CDCA5: variants seen among roughly 807,000 people sequenced by gnomAD.
CDCA5 encodes the protein sororin.
Under a neutral mutation model 25.7 loss-of-function variants are expected in CDCA5, and 14 were observed. The ratio of observed to expected loss-of-function variants is 0.54; its 90% CI spans 0.36 to 0.85. The LOEUF (loss-of-function observed/expected upper bound fraction) is 0.85, where lower values mean the gene tolerates loss of function less well. Ranked by LOEUF, CDCA5 falls within the 40% of genes least tolerant of loss-of-function variation. CDCA5 has a pLI of 0.01. For synonymous variants in CDCA5, 127 were observed against 128.7 expected (o/e 0.99, Z 0.09); for missense variants, 307 against 324.5 (o/e 0.95, Z 0.41).
At chr11:65,074,370 G>A (rs989936606), downstream of CDCA5, among the ~76,000 whole-genome samples, 3 of 152,122 alleles carry the variant, frequency 2.0e-5, no homozygotes, top group Non-Finnish European at 2.9e-5. Flanking sequence ...ACCGCGCCTG[G>A]CCCAATTTCC....
rs1947628093 is a variant in CDCA5, at chr11:65,083,741, T to A, written c.47-18A>T. ...CCTTGGCCCTGGAAAGAGAAAAAAG[T>A]TAAGTGGTAGAGGAGGACTCTAGAC... On this transcript the variant is annotated intron_variant, in intron 1 of 5. Transcript: ENST00000275517. The A allele has an allele frequency of 2.5e-6, 4 of 1,605,090 alleles. No individual in the cohort carries two copies. Among genetic ancestry groups the A allele is most frequent in the Admixed American group, 3.4e-5 (2 of 58,128 alleles).
Position 65,083,736 on chromosome 11 carries a change from A to C in CDCA5, c.47-13T>G, listed in dbSNP as rs897289240. 6 of 1,607,782 alleles carry C rather than the reference A, an allele frequency of 3.7e-6. No homozygotes were observed. The highest frequency in any genetic ancestry group is 5.1e-6 in the Non-Finnish European group (6 of 1,177,592). Reference sequence around the variant, plus strand: ...GGGGCCCTTGGCCCTGGAAAGAGAAAAAAGTTAAGTGGTAGAGGAGGACTC... The same window carrying C: ...GGGGCCCTTGGCCCTGGAAAGAGAACAAAGTTAAGTGGTAGAGGAGGACTC... On this transcript the variant is annotated splice_polypyrimidine_tract_variant and intron_variant, in intron 1 of 5. Transcript: ENST00000275517.
rs759202803 is a variant in CDCA5, at chr11:65,079,191, AG to A, written c.679-5del. On this transcript the variant is annotated splice_region_variant and splice_polypyrimidine_tract_variant and intron_variant, in intron 5 of 5. Transcript: ENST00000275517. ...CCCACTCATCCAGCTCCGTTTTCTG[AG>A]GGAAGAGAAATGAGGAGCAGGTGAG... is the stretch of plus-strand genomic sequence containing the variant. 28 of 1,526,124 alleles carry A rather than the reference AG, an allele frequency of 1.8e-5. No homozygotes were observed. In the Admixed American group the frequency reaches 2.8e-4, roughly 15 times the overall value. 94.5% of individuals were successfully genotyped at this position (1,526,124 alleles called of 1,614,324 possible).
chr11:65,081,338 G>T (rs1175978183), intron 4 of CDCA5, among the ~76,000 whole-genome samples: 2 of 151,926 alleles, frequency 1.3e-5, no homozygotes, highest in Non-Finnish European at 2.9e-5. Flanking sequence ...TGAGGCAGGA[G>T]AATCGGTTGA....
chr11:65,064,049 G>C (rs527802762), downstream of CDCA5, among the ~76,000 whole-genome samples: 6 of 152,150 alleles, frequency 3.9e-5, no homozygotes, highest in Non-Finnish European at 7.3e-5. Context: ...CTCCGTAATA[G>C]ACTCCATTTC....
the CDCA5 span, among the ~76,000 whole-genome samples, chr11:65,061,132 C>A: frequency 1.3e-5 from 2 of 152,160 alleles, no homozygotes; most frequent in African/African-American, 2.4e-5. Flanking sequence ...GCGCCTGCAC[C>A]CTTGCCCCTG....
downstream of CDCA5, among the ~76,000 whole-genome samples, chr11:65,076,384 G>A (rs569107854): frequency 8.1e-4 from 123 of 152,174 alleles, 1 homozygote; most frequent in African/African-American, 2.7e-3. Context: ...CAAAGTGCTG[G>A]GATTACAGGT....
intron 4 of CDCA5, among the ~76,000 whole-genome samples, chr11:65,080,663 T>C (rs770752343): frequency 6.6e-6 from 1 of 152,146 alleles, no homozygotes; most frequent in Non-Finnish European, 1.5e-5. Flanking sequence ...TTTCTCTCCC[T>C]GTTTCCACCC....
intron 4 of CDCA5, 88 bp from the exon 5 acceptor site, chr11:65,079,875 AC>A: frequency 9.9e-7 from 1 of 1,009,286 alleles, no homozygotes; most frequent in Non-Finnish European, 1.4e-6. Flanking sequence ...GGGTGGAAAG[AC>A]CCACAGGACA....
downstream of CDCA5, among the ~76,000 whole-genome samples, chr11:65,065,178 G>A (rs1257990098): frequency 6.6e-6 from 1 of 152,134 alleles, no homozygotes; most frequent in South Asian, 2.1e-4. Context: ...CCTAGATGCT[G>A]TAAAGTTAGA....
In CDCA5 at chr11:65,078,173, T is replaced by C; in HGVS notation, c.*934A>G. 1 of 985,476 alleles carries C rather than the reference T, an allele frequency of 1.0e-6. No homozygotes were observed. Among genetic ancestry groups the C allele is most frequent in the Non-Finnish European group, 1.2e-6 (1 of 829,942 alleles). 61.0% of individuals were successfully genotyped at this position (985,476 alleles called of 1,614,324 possible). On this transcript the variant is annotated 3_prime_UTR_variant, in exon 6 of 6. Coordinates refer to ENST00000275517, the MANE Select transcript of CDCA5 (RefSeq NM_080668.4). The stretch of plus-strand genomic sequence containing the variant: ...CAAAATGCTAGTAGGTCTGGGACTC[T>C]TCAACTTTCTCTTCTAGGGCCAAGT...
rs137875118 is a variant in CDCA5, at chr11:65,067,432, C to T, written c.368+223G>A. ...TGACCCCAGCATTACCTGAGAGGGGCGAGCGGCCATGGGATTGTGTGGACC... is the reference window on the plus strand; with the variant it reads ...TGACCCCAGCATTACCTGAGAGGGGTGAGCGGCCATGGGATTGTGTGGACC... On this transcript the variant is annotated intron_variant, in intron 4 of 6. Transcript: ENST00000525464. 5.9e-5 allele frequency among the ~76,000 whole-genome samples: 9 copies of T among 152,298 alleles called. No individual in the cohort carries two copies. The East Asian group carries it at 1.4e-3, about 23-fold the overall frequency.
rs146945787 is a variant in CDCA5 at position 65,077,730 on chromosome 11, G to A, written c.*1377C>T. The A allele has an allele frequency of 3.4e-5, 34 of 985,612 alleles. No homozygotes were observed. Among genetic ancestry groups the A allele is most frequent in the Middle Eastern group, 5.2e-4 (1 of 1,914 alleles). 61.1% of individuals were successfully genotyped at this position (985,612 alleles called of 1,614,324 possible). On this transcript the variant is annotated 3_prime_UTR_variant, in exon 6 of 6. Transcript: ENST00000275517. ...TTGCAGGTCTGACAAACCACAGAGC[G>A]TTGAGCAGATGGCCTGGGACTCCCA...
Position 65,077,991 on chromosome 11 carries a change from G to T in CDCA5, c.*1116C>A. The stretch of plus-strand genomic sequence containing the variant: ...CACTATTGAATCCACACGATGGAAA[G>T]AAGAGAAAGATGGGGAAATTCTCCA... On this transcript the variant is annotated 3_prime_UTR_variant, in exon 6 of 6. Coordinates refer to ENST00000275517, the MANE Select transcript of CDCA5 (RefSeq NM_080668.4). 1 of 985,482 alleles carries T rather than the reference G, an allele frequency of 1.0e-6. No homozygotes were observed. The highest frequency in any genetic ancestry group is 1.2e-6 in the Non-Finnish European group (1 of 829,948). The allele number at this position is 985,482 out of a possible 1,614,324, so 61.0% of individuals were successfully genotyped here. A position where few individuals can be genotyped will look rare whatever the true frequency, so the allele number is the denominator to read the frequency against.
intron 5 of CDCA5, 50 bp downstream of exon 5, chr11:65,079,303 G>C (rs1360600486): frequency 6.2e-7 from 1 of 1,613,258 alleles, no homozygotes; most frequent in East Asian, 2.2e-5. Flanking sequence ...CCCCAGCCCT[G>C]CACGTCTCCC....
intron 4 of CDCA5, among the ~76,000 whole-genome samples, chr11:65,080,639 C>T (rs1268136892): frequency 6.6e-6 from 1 of 152,074 alleles, no homozygotes; most frequent in Non-Finnish European, 1.5e-5. Flanking sequence ...AGGCTGGTCC[C>T]AGCGACCTTC....
downstream of CDCA5, among the ~76,000 whole-genome samples, chr11:65,075,211 A>G (rs1947420415): frequency 6.6e-6 from 1 of 152,110 alleles, no homozygotes; most frequent in Non-Finnish European, 1.5e-5. Context: ...AGCTTGGCCA[A>G]CATAACGAAA....
At chr11:65,074,408 C>T (rs549253963), downstream of CDCA5, among the ~76,000 whole-genome samples, 3 of 152,258 alleles carry the variant, frequency 2.0e-5, no homozygotes, top group Admixed American at 6.5e-5. Context: ...TAATATTCCA[C>T]TGTATTGATA....
chr11:65,072,937 TC>T (rs1468454631), downstream of CDCA5, among the ~76,000 whole-genome samples: 138 of 149,628 alleles, frequency 9.2e-4, 2 homozygotes, highest in African/African-American at 3.0e-3. Flanking sequence ...ATTATTTCAT[TC>T]TTTTTTTTTT....
Sources: allele counts gnomAD v4.1 joint callset (sites outside exome capture counted in the v4.1 genomes callset), GRCh38; gene constraint gnomAD v4.1.1; transcripts MANE v1.5; gene names NCBI Gene and HGNC (gene_info 2026-07-23, HGNC 2026-07-21).